TNS3: variants seen among roughly 807,000 people sequenced by gnomAD.
TNS3 encodes tensin-3.
In TNS3, 45 loss-of-function variants were observed where a neutral mutation model predicts 140.9. The observed-to-expected ratio is 0.32, with a 90% confidence interval of 0.25 to 0.41. The LOEUF (loss-of-function observed/expected upper bound fraction) is 0.41. Among genes scored for constraint, TNS3 ranks in the 10% least tolerant of loss-of-function variants. The pLI is 1.00. For synonymous variants in TNS3, 815 were observed against 788.4 expected (o/e 1.03, Z -0.56); for missense variants, 1,716 against 1,906.7 (o/e 0.90, Z 1.86).
intron 4 of TNS3, among the ~76,000 whole-genome samples, chr7:47,454,895 C>T (rs931669988): frequency 6.6e-6 from 1 of 152,166 alleles, no homozygotes; most frequent in Non-Finnish European, 1.5e-5. Context: ...TCTCCGGAGT[C>T]TGAAAGTGCC....
intron 13 of TNS3, among the ~76,000 whole-genome samples, chr7:47,410,888 T>G (rs1000526283): frequency 6.6e-6 from 1 of 152,206 alleles, no homozygotes; most frequent in African/African-American, 2.4e-5. Flanking sequence ...ATGTATGAAT[T>G]GTTTGTATTC....
chr7:47,348,580 A>G (rs1789483644), intron 17 of TNS3, among the ~76,000 whole-genome samples: 1 of 152,262 alleles, frequency 6.6e-6, no homozygotes, highest in Admixed American at 6.5e-5. Context: ...ATGGCTATGC[A>G]AATCACCGAT....
chr7:47,466,441 C>T (rs1186955295), intron 4 of TNS3, among the ~76,000 whole-genome samples: 1 of 152,214 alleles, frequency 6.6e-6, no homozygotes, highest in Non-Finnish European at 1.5e-5. Flanking sequence ...CCACAGCACC[C>T]GACCCAGTTC....
At chr7:47,497,013 G>A (rs561866224) in intron 3 of TNS3, among the ~76,000 whole-genome samples, 6 of 151,152 alleles carry the variant, frequency 4.0e-5, no homozygotes, top group East Asian at 1.9e-4. Flanking sequence ...TTAAGCCCAC[G>A]GCTCTGCCAT....
chr7:47,276,070 G>T lies in TNS3; in HGVS notation c.*2006C>A. 2 of 318,686 alleles carry T rather than the reference G, an allele frequency of 6.3e-6. No individual in the cohort carries two copies. The highest frequency in any genetic ancestry group is 5.4e-5 in the South Asian group (2 of 37,268). The allele number at this position is 318,686 out of a possible 1,614,324, so 19.7% of individuals were successfully genotyped here. On this transcript the variant is annotated 3_prime_UTR_variant, in exon 31 of 31. Transcript: ENST00000311160. Reference sequence around the variant, plus strand: ...GAAAGTACAAACCTCTGCTCCCTGTGGCCACATTCCTGCAGTGGATGAAAA... The same window carrying T: ...GAAAGTACAAACCTCTGCTCCCTGTTGCCACATTCCTGCAGTGGATGAAAA...
intron 16 of TNS3, among the ~76,000 whole-genome samples, chr7:47,380,002 C>T (rs187275949): frequency 6.6e-6 from 1 of 152,370 alleles, no homozygotes; most frequent in African/African-American, 2.4e-5. Flanking sequence ...CCTGCCCAGC[C>T]ACACACTGCC....
chr7:47,282,361 C>G (rs1232169901), intron 28 of TNS3, among the ~76,000 whole-genome samples: 1 of 151,546 alleles, frequency 6.6e-6, no homozygotes, highest in South Asian at 2.1e-4. Context: ...AAGGCACAAC[C>G]CTGACTCTGA....
At chr7:47,519,816 C>CTTTTTTTTTTTTTT (rs34418629) in intron 2 of TNS3, among the ~76,000 whole-genome samples, 1 of 74,824 alleles carries the variant, frequency 1.3e-5, no homozygotes, top group Non-Finnish European at 2.3e-5. Flanking sequence ...CCTCACATTT[C>CTTTTTTTTTTTTTT]TTTTTTTTTT....
intron 16 of TNS3, among the ~76,000 whole-genome samples, chr7:47,385,712 G>A (rs1274574536): frequency 6.6e-6 from 1 of 152,192 alleles, no homozygotes; most frequent in East Asian, 1.9e-4. Context: ...CGAGAAAGAT[G>A]GTTTCCTCGC....
At chr7:47,519,812 A>ATT (rs1798904414) in intron 2 of TNS3, among the ~76,000 whole-genome samples, 3 of 61,340 alleles carry the variant, frequency 4.9e-5, no homozygotes, top group East Asian at 5.9e-4. Flanking sequence ...AGCTCCTCAC[A>ATT]TTTCTTTTTT....
At chr7:47,406,186 T>C (rs1219785936) in intron 13 of TNS3, among the ~76,000 whole-genome samples, 1 of 152,024 alleles carries the variant, frequency 6.6e-6, no homozygotes, top group Admixed American at 6.6e-5. Flanking sequence ...AATCTGACCT[T>C]TTGGGAAAAG....
intron 1 of TNS3, among the ~76,000 whole-genome samples, chr7:47,564,215 C>G (rs1166625037): frequency 7.2e-6 from 1 of 139,156 alleles, no homozygotes; most frequent in African/African-American, 2.7e-5. Flanking sequence ...AAAAAAAAAC[C>G]ATTTAAATCA....
chr7:47,565,119 C>T (rs1800401355), intron 1 of TNS3, among the ~76,000 whole-genome samples: 1 of 151,650 alleles, frequency 6.6e-6, no homozygotes, highest in East Asian at 1.9e-4. Context: ...ACTCTGTCAC[C>T]CAAGCTGGAG....
chr7:47,306,209 A>C (rs1786743869), intron 20 of TNS3, among the ~76,000 whole-genome samples: 1 of 152,224 alleles, frequency 6.6e-6, no homozygotes, highest in African/African-American at 2.4e-5. Context: ...GGTTTTCATT[A>C]ATCCAGGTGC....
intron 2 of TNS3, among the ~76,000 whole-genome samples, chr7:47,509,387 A>C (rs919860407): frequency 1.3e-5 from 2 of 152,200 alleles, no homozygotes; most frequent in African/African-American, 4.8e-5. Flanking sequence ...GATAATCCTC[A>C]GAGTAGCAAG....
chr7:47,316,204 A>G (rs148860970), intron 20 of TNS3, among the ~76,000 whole-genome samples: 334 of 149,646 alleles, frequency 2.2e-3, no homozygotes, highest in African/African-American at 7.8e-3. Context: ...AATAGGAAGT[A>G]TCTTTTTCCA....
chr7:47,424,051 T>A (rs770983813), intron 10 of TNS3, 50 bp downstream of exon 10: 1 of 1,570,180 alleles, frequency 6.4e-7, no homozygotes, highest in Non-Finnish European at 8.8e-7. Context: ...CATTTTTATA[T>A]GTAAAATTTC....
intron 1 of TNS3, among the ~76,000 whole-genome samples, chr7:47,563,337 T>C (rs1415692511): frequency 6.6e-6 from 1 of 152,222 alleles, no homozygotes; most frequent in African/African-American, 2.4e-5. Context: ...GCTCACACTT[T>C]CACGAACGTC....
rs368264516 is a variant in TNS3 at position 47,422,354 on chromosome 7, G to A, written c.473+1747C>T. Among the ~76,000 whole-genome samples the A allele has an allele frequency of 1.2e-3, 177 of 152,264 alleles. 1 individual carries two copies. The highest frequency in any genetic ancestry group is 3.6e-3 in the African/African-American group (150 of 41,550). ...AAGAGCAGGGCATGGTGGCTCACACGTGCAATCCCAGCATTTTGGGAAGCC... is the reference window on the plus strand; with the variant it reads ...AAGAGCAGGGCATGGTGGCTCACACATGCAATCCCAGCATTTTGGGAAGCC... On this transcript the variant is annotated intron_variant, in intron 10 of 30. Coordinates refer to ENST00000311160, the MANE Select transcript of TNS3 (RefSeq NM_022748.12).
Sources: gnomAD v4.1 joint callset for allele counts (sites outside exome capture counted in the v4.1 genomes callset) on GRCh38, gnomAD v4.1.1 for gene constraint, MANE v1.5 for transcripts, NCBI Gene and HGNC (gene_info 2026-07-23, HGNC 2026-07-21) for gene names.